The following ITSN2 variants were observed in gnomAD, a reference collection of about 807,000 sequenced individuals.
ITSN2 encodes the protein intersectin-2.
In ITSN2, 156 loss-of-function variants were observed where a neutral mutation model predicts 243.7. That is an observed-to-expected ratio of 0.64 (90% CI 0.56 to 0.73). ITSN2 has a LOEUF of 0.73. Among genes scored for constraint, ITSN2 ranks in the 30% least tolerant of loss-of-function variants. The pLI, the probability that ITSN2 is intolerant of heterozygous loss-of-function variation, is 0.00. For missense variants in ITSN2, 1,801 were observed against 1,996.1 expected, an observed-to-expected ratio of 0.90 and a Z score of 1.86; for synonymous variants, 703 against 699.9, an observed-to-expected ratio of 1.00 and a Z score of -0.07.
chr2:24,206,275 C>A, intron 37 of ITSN2: 1 of 431,450 alleles, frequency 2.3e-6, no homozygotes. Flanking sequence ...ATGGGGGAAA[C>A]CTGAATAAAA....
intron 27 of ITSN2, among the ~76,000 whole-genome samples, chr2:24,247,985 T>C (rs973199863): frequency 1.3e-5 from 2 of 152,152 alleles, no homozygotes; most frequent in African/African-American, 4.8e-5. Flanking sequence ...GCTATGTTTA[T>C]CCTCCATACT....
At chr2:24,270,808 T>C in intron 19 of ITSN2, 40 bp from the exon 20 acceptor site, 1 of 1,055,778 alleles carries the variant, frequency 9.5e-7, no homozygotes, top group Non-Finnish European at 1.4e-6. Flanking sequence ...AACTTACATG[T>C]ATACATCTTT....
Position 24,252,579 on chromosome 2 carries a change from GT to G in ITSN2, c.2954-69del. 3 of 1,194,506 alleles carry G rather than the reference GT, an allele frequency of 2.5e-6. No homozygotes were observed. In the South Asian group the frequency reaches 4.5e-5, roughly 18 times the overall value. The allele number at this position is 1,194,506 out of a possible 1,614,324, so 74.0% of individuals were successfully genotyped here. A position where few individuals can be genotyped will look rare whatever the true frequency, so the allele number is the denominator to read the frequency against. On this transcript the variant is annotated intron_variant, in intron 24 of 39. Transcript: ENST00000355123. ...ATTACAGAAGTGAAAAAGAAATTAGGTTATTCTCCAAGACATTGTATAAGTT... is the reference window on the plus strand; with the variant it reads ...ATTACAGAAGTGAAAAAGAAATTAGGTATTCTCCAAGACATTGTATAAGTT...
At chr2:24,267,100 G>A (rs77907512) in intron 20 of ITSN2, among the ~76,000 whole-genome samples, 8,488 of 152,062 alleles carry the variant, frequency 0.056, 331 homozygotes, top group Non-Finnish European at 0.089. Context: ...CATGGATGAC[G>A]CTGAAAACCA....
intron 1 of ITSN2, chr2:24,330,329 C>A: frequency 2.2e-6 from 1 of 457,162 alleles, no homozygotes; most frequent in Non-Finnish European, 4.1e-6. Flanking sequence ...AGAACGAACC[C>A]CGGACTGACC....
chr2:24,321,619 T>C (rs149725661), intron 2 of ITSN2, among the ~76,000 whole-genome samples: 1 of 152,182 alleles, frequency 6.6e-6, no homozygotes, highest in Non-Finnish European at 1.5e-5. Flanking sequence ...ACATATGTAG[T>C]AAAAATCCTA....
At chr2:24,310,915 G>A (rs186806099) in intron 5 of ITSN2, among the ~76,000 whole-genome samples, 64 of 152,208 alleles carry the variant, frequency 4.2e-4, no homozygotes, top group African/African-American at 1.4e-3. Context: ...ACCTAGCAAA[G>A]AGTTAAATAT....
intron 1 of ITSN2, chr2:24,334,575 A>C (rs1047880454): frequency 7.1e-6 from 7 of 987,748 alleles, no homozygotes; most frequent in Non-Finnish European, 1.1e-5. Context: ...CCAACCCTGC[A>C]AAGTGACACA....
Position 24,246,196 on chromosome 2 carries a change from G to C in ITSN2, c.3510C>G (p.Asn1170Lys). ...TTGAAGGAAAGAGACCAGTCACCCC[G>C]TTGATCTCTCCTTGCCACCAATCAG... is the stretch of plus-strand genomic sequence containing the variant. ...DDPDWWQGEI[N>K]GVTGLFPSNY... Residue 1170 changes from asparagine (N) to lysine (K), a missense_variant, in exon 29 of 40, where the codon AAC (asparagine) becomes AAG (lysine). Transcript: ENST00000355123. 1 of 1,613,352 alleles carries C rather than the reference G, an allele frequency of 6.2e-7. No individual in the cohort carries two copies. Among genetic ancestry groups the C allele is most frequent in the South Asian group, 1.1e-5 (1 of 91,060 alleles).
chr2:24,293,407 T>C (rs1257511083), intron 15 of ITSN2: 1 of 207,038 alleles, frequency 4.8e-6, no homozygotes, highest in East Asian at 1.4e-4. Flanking sequence ...TTATATCTTA[T>C]AGTCTAACAC....
At position 24,210,614 on chromosome 2, in the gene ITSN2, CAAAAAAAAAAAAA is replaced by C. The variant is rs950984341; in HGVS notation, c.4257+153_4257+165del. Among the ~76,000 whole-genome samples the C allele has an allele frequency of 7.4e-5, 4 of 53,992 alleles. No homozygotes were observed. In the Admixed American group the frequency reaches 8.0e-4, roughly 11 times the overall value. The allele number at this position is 53,992 out of a possible 152,430, so 35.4% of individuals were successfully genotyped here. Reference sequence around the variant, plus strand: ...TGGGCAACAGAGTGAGACTCCGTCTCAAAAAAAAAAAAAAAAAAAAGAAAAAAAAATGCCTTTG... The same window carrying C: ...TGGGCAACAGAGTGAGACTCCGTCTCAAAAAAAGAAAAAAAAATGCCTTTG... On this transcript the variant is annotated intron_variant, in intron 34 of 39. Coordinates refer to ENST00000355123, the MANE Select transcript of ITSN2 (RefSeq NM_006277.3).
In ITSN2 at chr2:24,252,785, TACAA is replaced by T. The variant is rs762142374; in HGVS notation, c.2954-278_2954-275del. Among the ~76,000 whole-genome samples, 3 of 152,188 alleles carry T rather than the reference TACAA, an allele frequency of 2.0e-5. No individual in the cohort carries two copies. The East Asian group carries it at 5.8e-4, about 29-fold the overall frequency. The stretch of plus-strand genomic sequence containing the variant: ...TTTATCACAAAGAATTACCCAAAAC[TACAA>T]ACAGATAATAGTATCTCTATAGATA... On this transcript the variant is annotated intron_variant, in intron 24 of 39. Coordinates refer to ENST00000355123, the MANE Select transcript of ITSN2 (RefSeq NM_006277.3).
At chr2:24,223,727 G>A (rs1670701080) in intron 29 of ITSN2, among the ~76,000 whole-genome samples, 1 of 140,590 alleles carries the variant, frequency 7.1e-6, no homozygotes, top group South Asian at 2.5e-4. Flanking sequence ...GGAGAAGGAA[G>A]GAAAAAGTGA....
rs1668515555 is a variant in ITSN2 at position 24,203,378 on chromosome 2, T to C, written c.*248A>G. 1 of 374,734 alleles carries C rather than the reference T, an allele frequency of 2.7e-6. No homozygotes were observed. The highest frequency in any genetic ancestry group is 4.8e-6 in the Non-Finnish European group (1 of 208,570). The allele number at this position is 374,734 out of a possible 1,614,324, so 23.2% of individuals were successfully genotyped here. A position where few individuals can be genotyped will look rare whatever the true frequency, so the allele number is the denominator to read the frequency against. On this transcript the variant is annotated 3_prime_UTR_variant, in exon 40 of 40. Transcript: ENST00000355123. ...CCCTGAAAATGGAAACCTTGGCATC[T>C]AAACAAACAGAGCTGAACATGTGAA... is the stretch of plus-strand genomic sequence containing the variant.
At chr2:24,300,622 G>A (rs1014689458) in intron 11 of ITSN2, among the ~76,000 whole-genome samples, 2 of 152,026 alleles carry the variant, frequency 1.3e-5, no homozygotes, top group African/African-American at 4.8e-5. Context: ...AGGAGGCTGA[G>A]ACAGGAGAAT....
intron 29 of ITSN2, chr2:24,239,031 G>A (rs1413381288): frequency 6.6e-6 from 1 of 152,346 alleles, no homozygotes; most frequent in East Asian, 1.9e-4. Flanking sequence ...CCCAGCATTT[G>A]CACAATCTCA....
rs199843847 is a variant in ITSN2, at chr2:24,260,630, G to A, written c.2682+476C>T. Among the ~76,000 whole-genome samples, 7 of 152,182 alleles carry A rather than the reference G, an allele frequency of 4.6e-5. No individual in the cohort carries two copies. In the East Asian group the frequency reaches 9.6e-4, roughly 21 times the overall value. On this transcript the variant is annotated intron_variant, in intron 22 of 39. Coordinates refer to ENST00000355123, the MANE Select transcript of ITSN2 (RefSeq NM_006277.3). ...AAAGAATTGTTGAGAAACCTAGGCC[G>A]GGCGCAGTGGCTCACGCCTGTAATC...
At chr2:24,359,551 G>A (rs764865886) in intron 1 of ITSN2, among the ~76,000 whole-genome samples, 1 of 152,084 alleles carries the variant, frequency 6.6e-6, no homozygotes, top group Non-Finnish European at 1.5e-5. Context: ...AATCCAAACG[G>A]AGCATCTTTC....
chr2:24,236,488 G>T (rs1672165917), intron 29 of ITSN2, among the ~76,000 whole-genome samples: 1 of 152,086 alleles, frequency 6.6e-6, no homozygotes, highest in South Asian at 2.1e-4. Context: ...CAAGTGAATT[G>T]TATCTCAATG....
Sources: gnomAD v4.1 joint callset for allele counts (sites outside exome capture counted in the v4.1 genomes callset) on GRCh38, gnomAD v4.1.1 for gene constraint, MANE v1.5 for transcripts, NCBI Gene and HGNC (gene_info 2026-07-23, HGNC 2026-07-21) for gene names.